The following GALNT14 variants were observed in gnomAD, a reference collection of about 807,000 sequenced individuals.
GALNT14 encodes the protein UDP-GalNAc:polypeptide N-acetylgalactosaminyltransferase 14.
Under a neutral mutation model 77.5 loss-of-function variants are expected in GALNT14, and 60 were observed. The observed-to-expected ratio is 0.77, with a 90% CI of 0.63 to 0.96. The LOEUF is 0.96. Among genes scored for constraint, GALNT14 ranks in the 40% least tolerant of loss-of-function variants. GALNT14 has a pLI of 0.00. For synonymous variants in GALNT14, 280 were observed against 281.7 expected (o/e 0.99, Z 0.06); for missense variants, 710 against 731.0 (o/e 0.97, Z 0.33).
chr2:30,974,915 G>A (rs1189025327), intron 2 of GALNT14, among the ~76,000 whole-genome samples: 2 of 152,218 alleles, frequency 1.3e-5, no homozygotes, highest in Non-Finnish European at 2.9e-5. Flanking sequence ...TGGGAGGCAG[G>A]TGAGGCTTAC....
chr2:30,905,604 C>T (rs537617565), downstream of GALNT14, among the ~76,000 whole-genome samples: 1 of 151,928 alleles, frequency 6.6e-6, no homozygotes, highest in East Asian at 1.9e-4. Context: ...CTGAAAGTGA[C>T]AGGGAGAATG....
chr2:30,916,849 T>C (rs889376311), intron 13 of GALNT14, among the ~76,000 whole-genome samples: 1 of 151,728 alleles, frequency 6.6e-6, no homozygotes, highest in Non-Finnish European at 1.5e-5. Context: ...GAGGCTGAGA[T>C]GGGTGGATCA....
chr2:31,046,185 A>G (rs1470424063), intron 1 of GALNT14, among the ~76,000 whole-genome samples: 1 of 151,774 alleles, frequency 6.6e-6, no homozygotes, highest in Non-Finnish European at 1.5e-5. Context: ...AGTATCAGAT[A>G]TGGGGTTTGA....
chr2:30,930,778 G>A (rs1267965948), intron 10 of GALNT14, among the ~76,000 whole-genome samples: 2 of 152,244 alleles, frequency 1.3e-5, no homozygotes, highest in African/African-American at 2.4e-5. Context: ...GTGGGGCACT[G>A]GAGGCAGTTA....
chr2:30,927,330 A>C (rs1460232323), intron 11 of GALNT14, among the ~76,000 whole-genome samples: 1 of 152,174 alleles, frequency 6.6e-6, no homozygotes, highest in African/African-American at 2.4e-5. Flanking sequence ...TGCTCCTCAA[A>C]TTGTGGCACT....
intron 2 of GALNT14, among the ~76,000 whole-genome samples, chr2:30,979,096 C>T (rs967762351): frequency 6.6e-6 from 1 of 152,198 alleles, no homozygotes; most frequent in East Asian, 1.9e-4. Context: ...GGGGTGGTGA[C>T]AGGAGCTGTG....
chr2:30,919,021 T>G (rs1664873872), intron 13 of GALNT14, among the ~76,000 whole-genome samples: 1 of 152,154 alleles, frequency 6.6e-6, no homozygotes, highest in African/African-American at 2.4e-5. Flanking sequence ...GTACCCACCT[T>G]GCATGCTCCA....
intron 1 of GALNT14, among the ~76,000 whole-genome samples, chr2:31,116,896 G>C (rs953891436): frequency 2.0e-5 from 3 of 152,118 alleles, no homozygotes; most frequent in African/African-American, 7.2e-5. Flanking sequence ...AAATTAGCCA[G>C]GTGTGGGGCG....
intron 13 of GALNT14, among the ~76,000 whole-genome samples, chr2:30,913,931 T>G (rs1411950181): frequency 6.6e-6 from 1 of 152,198 alleles, no homozygotes. Flanking sequence ...ATACATTCCT[T>G]GGGACATATC....
chr2:31,117,057 A>G (rs1678141846), intron 1 of GALNT14, among the ~76,000 whole-genome samples: 1 of 152,170 alleles, frequency 6.6e-6, no homozygotes, highest in Non-Finnish European at 1.5e-5. Flanking sequence ...AAATTAAAAA[A>G]AAGAATATTC....
intron 1 of GALNT14, among the ~76,000 whole-genome samples, chr2:31,087,560 A>T (rs1440949298): frequency 1.4e-5 from 1 of 73,416 alleles, no homozygotes; most frequent in Non-Finnish European, 3.2e-5. Context: ...AAGTCCTTAG[A>T]AACAACACCA....
At chr2:31,074,355 T>C (rs957027391) in intron 1 of GALNT14, among the ~76,000 whole-genome samples, 2 of 152,062 alleles carry the variant, frequency 1.3e-5, no homozygotes. Context: ...TGACAGTCCA[T>C]ATGCAGCGCT....
intron 1 of GALNT14, among the ~76,000 whole-genome samples, chr2:31,004,849 A>G (rs1327655582): frequency 1.3e-5 from 2 of 152,218 alleles, no homozygotes; most frequent in Non-Finnish European, 2.9e-5. Flanking sequence ...AAAGCTCTCT[A>G]GCCATAAGAA....
intron 1 of GALNT14, among the ~76,000 whole-genome samples, chr2:31,074,512 C>T (rs751769515): frequency 1.3e-5 from 2 of 152,038 alleles, no homozygotes; most frequent in African/African-American, 2.4e-5. Flanking sequence ...GGGCTGGGCT[C>T]ACTCATGCTG....
chr2:31,011,906 C>T (rs954505168), intron 1 of GALNT14, among the ~76,000 whole-genome samples: 2 of 152,138 alleles, frequency 1.3e-5, no homozygotes, highest in African/African-American at 2.4e-5. Flanking sequence ...AACGCTCAGC[C>T]GGGAAACACA....
At chr2:31,074,857 T>C (rs769187634) in intron 1 of GALNT14, among the ~76,000 whole-genome samples, 37 of 152,078 alleles carry the variant, frequency 2.4e-4, no homozygotes, top group South Asian at 4.1e-4. Flanking sequence ...CCATGGATAC[T>C]GAGAAGAATA....
chr2:31,097,690 T>C (rs1433561352), intron 1 of GALNT14, among the ~76,000 whole-genome samples: 3 of 152,156 alleles, frequency 2.0e-5, no homozygotes, highest in African/African-American at 7.2e-5. Flanking sequence ...ACACTTCCTG[T>C]TGTTCACACC....
At chr2:30,943,429 A>G (rs1393799299) in intron 8 of GALNT14, among the ~76,000 whole-genome samples, 1 of 152,182 alleles carries the variant, frequency 6.6e-6, no homozygotes, top group African/African-American at 2.4e-5. Flanking sequence ...TAATTGATGG[A>G]CAGCTGGTCA....
At chr2:30,944,408 C>G (rs1450612703) in intron 8 of GALNT14, among the ~76,000 whole-genome samples, 2 of 152,232 alleles carry the variant, frequency 1.3e-5, no homozygotes, top group Non-Finnish European at 2.9e-5. Context: ...AACAGGGCAG[C>G]TGTGCTTATG....
Sources: gnomAD v4.1 joint callset for allele counts (sites outside exome capture counted in the v4.1 genomes callset) on GRCh38, gnomAD v4.1.1 for gene constraint, MANE v1.5 for transcripts, NCBI Gene and HGNC (gene_info 2026-07-23, HGNC 2026-07-21) for gene names.